SH2D3C: variants seen among roughly 807,000 people sequenced by gnomAD.
SH2D3C encodes the protein SH2 domain-containing protein 3C.
Under a neutral mutation model 75.2 loss-of-function variants are expected in SH2D3C, and 25 were observed. The ratio of observed to expected loss-of-function variants is 0.33; its 90% CI spans 0.24 to 0.46. The LOEUF (loss-of-function observed/expected upper bound fraction) is 0.46, where lower values mean the gene tolerates loss of function less well. Among genes scored for constraint, SH2D3C ranks in the 20% least tolerant of loss-of-function variants. The pLI is 1.00. For synonymous variants in SH2D3C, 450 were observed against 473.7 expected, an observed-to-expected ratio of 0.95 and a Z score of 0.65; for missense variants, 933 against 1,165.3, an observed-to-expected ratio of 0.80 and a Z score of 2.90.
intron 2 of SH2D3C, chr9:127,762,317 T>G: frequency 7.7e-7 from 1 of 1,293,616 alleles, no homozygotes; most frequent in East Asian, 5.6e-5. Context: ...CCCCACCGCA[T>G]GGCCTTAAAT....
intron 2 of SH2D3C, among the ~76,000 whole-genome samples, chr9:127,764,105 G>A (rs1014700320): frequency 3.3e-5 from 5 of 152,200 alleles, no homozygotes. Context: ...GCTTCCTCCT[G>A]CTTCCTGTAC....
chr9:127,755,090 C>T lies in SH2D3C; in HGVS notation c.556-3790G>A, dbSNP rs1014048265. The T allele has an allele frequency of 2.1e-5, 25 of 1,211,568 alleles. No individual in the cohort carries two copies. The South Asian group carries it at 8.9e-4, about 43-fold the overall frequency. 75.1% of individuals were successfully genotyped at this position (1,211,568 alleles called of 1,614,324 possible). A position where few individuals can be genotyped will look rare whatever the true frequency, so the allele number is the denominator to read the frequency against. Reference sequence around the variant, plus strand: ...AGCCGCCCCCTCACCTGCACCTGCACGAAGGAGCCGCGGTAGAAGCAGCAG... The same window carrying T: ...AGCCGCCCCCTCACCTGCACCTGCATGAAGGAGCCGCGGTAGAAGCAGCAG... On this transcript the variant is annotated intron_variant, in intron 3 of 11. Coordinates refer to ENST00000314830, the MANE Select transcript of SH2D3C (RefSeq NM_170600.3).
At chr9:127,762,564 A>G (rs890659748) in intron 2 of SH2D3C, 37 of 388,368 alleles carry the variant, frequency 9.5e-5, no homozygotes, top group Non-Finnish European at 1.7e-4. Flanking sequence ...CCCGTCTTCC[A>G]TTCAGCTCCA....
intron 2 of SH2D3C, among the ~76,000 whole-genome samples, chr9:127,769,109 G>A (rs1181470225): frequency 1.3e-5 from 2 of 152,126 alleles, no homozygotes; most frequent in Non-Finnish European, 1.5e-5. Context: ...TGTCTCCCCT[G>A]CCCTGGAATG....
At chr9:127,768,202 C>G (rs1391925738) in intron 2 of SH2D3C, among the ~76,000 whole-genome samples, 2 of 152,174 alleles carry the variant, frequency 1.3e-5, no homozygotes, top group Non-Finnish European at 2.9e-5. Flanking sequence ...TACCAGATGC[C>G]CAGCAGCTGA....
intron 2 of SH2D3C, among the ~76,000 whole-genome samples, chr9:127,767,854 C>T (rs1845663550): frequency 2.0e-5 from 3 of 152,232 alleles, no homozygotes; most frequent in Admixed American, 2.0e-4. Flanking sequence ...GGCTCAAGGT[C>T]ACACAGTCAG....
intron 2 of SH2D3C, among the ~76,000 whole-genome samples, chr9:127,773,435 C>T (rs1845765413): frequency 1.3e-5 from 2 of 152,094 alleles, no homozygotes; most frequent in South Asian, 4.1e-4. Flanking sequence ...CACATGCTGG[C>T]TTTGTCATTA....
intron 3 of SH2D3C, chr9:127,755,035 G>C (rs933551966): frequency 2.0e-6 from 2 of 989,562 alleles, no homozygotes; most frequent in Non-Finnish European, 2.5e-6. Context: ...GCGGCCGGGG[G>C]TCCCAGCCCG....
intron 2 of SH2D3C, among the ~76,000 whole-genome samples, chr9:127,762,753 C>T (rs954025961): frequency 1.3e-5 from 2 of 152,226 alleles, no homozygotes; most frequent in Non-Finnish European, 2.9e-5. Flanking sequence ...GGCACCTAAG[C>T]TTACAACCTA....
At position 127,742,944 on chromosome 9, in the gene SH2D3C, A is replaced by G. The variant is rs149694765; in HGVS notation, c.1821T>C (p.Val607=). The change falls in exon 8 of 12, where the codon GTT becomes GTC. Residue 607 remains valine, a synonymous_variant. Transcript: ENST00000314830. The part of the protein sequence containing the change: ...VDCLVARILG[V]TKEMQTLMGV... Reference sequence around the variant, plus strand: ...CCATTAGGGTCTGCATCTCCTTGGTAACGCCCAGTATCCTAGCAACCTGCA... The same window carrying G: ...CCATTAGGGTCTGCATCTCCTTGGTGACGCCCAGTATCCTAGCAACCTGCA... 162 of 1,613,532 alleles carry G rather than the reference A, an allele frequency of 1.0e-4. No homozygotes were observed. Among genetic ancestry groups the G allele is most frequent in the Admixed American group, 2.2e-4 (13 of 59,974 alleles).
At chr9:127,755,345 G>T (rs528174244) in intron 3 of SH2D3C, 186 of 538,030 alleles carry the variant, frequency 3.5e-4, no homozygotes, top group African/African-American at 3.4e-3. Context: ...CCGGCCAGGG[G>T]AGGGGAGGGG....
In SH2D3C at chr9:127,751,127, G is replaced by A. The variant is rs375347401; in HGVS notation, c.684+45C>T. 2 of 1,606,280 alleles carry A rather than the reference G, an allele frequency of 1.2e-6. No homozygotes were observed. The highest frequency in any genetic ancestry group is 2.7e-5 in the African/African-American group (2 of 74,748). On this transcript the variant is annotated intron_variant, in intron 4 of 11. Coordinates refer to ENST00000314830, the MANE Select transcript of SH2D3C (RefSeq NM_170600.3). This position sits in a 1 kb window ranked among gnomAD's most constrained non-coding sequence, Gnocchi z 4.1. ...CAGGGCTGGGGCTGGCCAAGGCAGT[G>A]GGTGGGAGGGTCCCGGGTTGAAGTC...
chr9:127,778,629 T>C lies in SH2D3C; in HGVS notation c.-2A>G, dbSNP rs1829083977. On this transcript the variant is annotated 5_prime_UTR_variant, in exon 1 of 12. Coordinates refer to ENST00000314830, the MANE Select transcript of SH2D3C (RefSeq NM_170600.3). Reference sequence around the variant, plus strand: ...GGTCTTCTTGGTCCCCTCTGTCATCTTGGCAAATTGTGTGAAGCCCTTGGC... The same window carrying C: ...GGTCTTCTTGGTCCCCTCTGTCATCCTGGCAAATTGTGTGAAGCCCTTGGC... The C allele has an allele frequency of 5.0e-6, 8 of 1,613,866 alleles. No homozygotes were observed. Among genetic ancestry groups the C allele is most frequent in the Non-Finnish European group, 6.8e-6 (8 of 1,179,750 alleles).
intron 2 of SH2D3C, among the ~76,000 whole-genome samples, chr9:127,765,050 A>T (rs1010890225): frequency 6.6e-6 from 1 of 151,830 alleles, no homozygotes; most frequent in African/African-American, 2.4e-5. Flanking sequence ...TCACTCTGTC[A>T]TCTAGGCTGG....
Position 127,751,119 on chromosome 9 carries a change from A to G in SH2D3C, c.684+53T>C. ...GCTGCAGCCAGGGCTGGGGCTGGCC[A>G]AGGCAGTGGGTGGGAGGGTCCCGGG... On this transcript the variant is annotated intron_variant, in intron 4 of 11. Coordinates refer to ENST00000314830, the MANE Select transcript of SH2D3C (RefSeq NM_170600.3). The surrounding 1 kb of genome is among the most constrained non-coding windows in gnomAD (Gnocchi z 4.1). 2 of 1,597,900 alleles carry G rather than the reference A, an allele frequency of 1.3e-6. No individual in the cohort carries two copies. The highest frequency in any genetic ancestry group is 2.2e-5 in the South Asian group (2 of 90,518).
At position 127,741,847 on chromosome 9, in the gene SH2D3C, C is replaced by T. The variant is rs1224423417; in HGVS notation, c.2029G>A (p.Gly677Arg). Residue 677 changes from glycine to arginine, a missense_variant, in exon 9 of 12, where the codon GGG (glycine) becomes AGG (arginine). By Grantham distance (125) the Gly-to-Arg change is moderately radical. Transcript: ENST00000314830. Reference sequence around the variant, plus strand: ...AAGCTGAACATGTTGCCCATAGTCCCCCGCAGCTCGGCCGCCAGCTGAATG... The same window carrying T: ...AAGCTGAACATGTTGCCCATAGTCCTCCGCAGCTCGGCCGCCAGCTGAATG... The part of the protein sequence containing the change: ...KTIQLAAELR[G>R]TMGNMFSFAA... 3 of 1,613,420 alleles carry T rather than the reference C, an allele frequency of 1.9e-6. No homozygotes were observed. The highest frequency in any genetic ancestry group is 2.5e-6 in the Non-Finnish European group (3 of 1,180,032).
At chr9:127,750,361 G>T (rs772050509) in intron 4 of SH2D3C, among the ~76,000 whole-genome samples, 2 of 152,080 alleles carry the variant, frequency 1.3e-5, no homozygotes, top group Middle Eastern at 3.4e-3. Context: ...CACCATGTGG[G>T]CCAGGCTGGT....
Position 127,751,087 on chromosome 9 carries a change from C to T in SH2D3C, c.684+85G>A, listed in dbSNP as rs1165127636. 3.0e-5 allele frequency: 42 copies of T among 1,386,336 alleles called. No homozygotes were observed. The highest frequency in any genetic ancestry group is 2.0e-6 in the Non-Finnish European group (2 of 987,308). 85.9% of individuals were successfully genotyped at this position (1,386,336 alleles called of 1,614,324 possible). A position where few individuals can be genotyped will look rare whatever the true frequency, so the allele number is the denominator to read the frequency against. On this transcript the variant is annotated intron_variant, in intron 4 of 11. Transcript: ENST00000314830. This position sits in a 1 kb window ranked among gnomAD's most constrained non-coding sequence, Gnocchi z 4.1. The stretch of plus-strand genomic sequence containing the variant: ...CCACCAAGCAACAGGTCAGAGCCTC[C>T]CAGGTGGCTGCAGCCAGGGCTGGGG...
At chr9:127,742,077 T>C (rs187022139) in intron 8 of SH2D3C, 118 bp from the exon 9 acceptor site, 2 of 969,398 alleles carry the variant, frequency 2.1e-6, no homozygotes, top group African/African-American at 1.7e-5. Flanking sequence ...ACGTGAGAGG[T>C]TGTAAGGGTC....
Sources: gnomAD v4.1 joint callset for allele counts (sites outside exome capture counted in the v4.1 genomes callset) on GRCh38, gnomAD v4.1.1 for gene constraint, Gnocchi (gnomAD v3.1) non-coding constraint, MANE v1.5 for transcripts, NCBI Gene and HGNC (gene_info 2026-07-23, HGNC 2026-07-21) for gene names.